The following PRAG1 variants were observed in gnomAD, a reference collection of about 807,000 sequenced individuals.
The protein encoded by PRAG1 is inactive tyrosine-protein kinase PRAG1.
Under a neutral mutation model 95.6 loss-of-function variants are expected in PRAG1, and 110 were observed. The observed-to-expected ratio is 1.15, with a 90% CI of 0.99 to 1.35. PRAG1 has a LOEUF of 1.35. PRAG1 is among the 40% of genes most tolerant of loss of function. The pLI is 0.00. For synonymous variants in PRAG1, 1,052 were observed against 819.4 expected, an observed-to-expected ratio of 1.28 and a Z score of -4.85; for missense variants, 2,554 against 1,864.7, an observed-to-expected ratio of 1.37 and a Z score of -6.81.
chr8:8,334,900 T>C (rs1343341269), intron 4 of PRAG1, among the ~76,000 whole-genome samples: 1 of 151,918 alleles, frequency 6.6e-6, no homozygotes, highest in Non-Finnish European at 1.5e-5. Flanking sequence ...CTGGCCAACA[T>C]GGCGAAACTC....
At chr8:8,378,815 ACAC>A (rs1800529462) in intron 2 of PRAG1, among the ~76,000 whole-genome samples, 1 of 151,854 alleles carries the variant, frequency 6.6e-6, no homozygotes, top group Non-Finnish European at 1.5e-5. Context: ...GACCCAAATC[ACAC>A]CACCACACTC....
At chr8:8,323,338 A>G (rs1197830827) in intron 5 of PRAG1, among the ~76,000 whole-genome samples, 1 of 104,550 alleles carries the variant, frequency 9.6e-6, no homozygotes, top group Non-Finnish European at 2.0e-5. Flanking sequence ...TTTTTTTTTG[A>G]GATAGAGTCT....
Position 8,327,901 on chromosome 8 carries a change from G to C in PRAG1, c.2881C>G (p.Gln961Glu). 1 of 1,614,212 alleles carries C rather than the reference G, an allele frequency of 6.2e-7. No individual in the cohort carries two copies. The highest frequency in any genetic ancestry group is 1.7e-5 in the Admixed American group (1 of 60,030). ...TTGGCTACAAGGCGGGCCAGGGACT[G>C]GGTGTAGAGTCCCCCCAGCTTGGCA... ...TYAKLGGLYT[Q>E]SLARLVAKCE... The change falls in exon 5 of 6, where the codon CAG becomes GAG. Residue 961 changes from glutamine to glutamate, a missense_variant. Gln to Glu is a conservative substitution (Grantham distance 29). Coordinates refer to ENST00000615670, the MANE Select transcript of PRAG1 (RefSeq NM_001080826.3).
At chr8:8,367,117 T>C (rs928931770) in intron 3 of PRAG1, among the ~76,000 whole-genome samples, 3 of 152,070 alleles carry the variant, frequency 2.0e-5, no homozygotes, top group Non-Finnish European at 4.4e-5. Context: ...ATGCATGGGC[T>C]CCAAATGATC....
At chr8:8,330,525 CTGAG>C (rs1798787741) in intron 4 of PRAG1, among the ~76,000 whole-genome samples, 1 of 152,180 alleles carries the variant, frequency 6.6e-6, no homozygotes, top group African/African-American at 2.4e-5. Context: ...GGCAGCAAGG[CTGAG>C]TGAGTGATTT....
At position 8,376,924 on chromosome 8, in the gene PRAG1, A is replaced by T; in HGVS notation, c.1485T>A (p.Ser495=). The T allele has an allele frequency of 6.2e-7, 1 of 1,613,380 alleles. No individual in the cohort carries two copies. Among genetic ancestry groups the T allele is most frequent in the Non-Finnish European group, 8.5e-7 (1 of 1,180,022 alleles). ...HRTIYLSSPD[S]AVGVQWPRGP... ...CTCGTGGCCACTGCACCCCCACTGCAGAGTCAGGGCTGCTCAGGTAGATCG... is the reference window on the plus strand; with the variant it reads ...CTCGTGGCCACTGCACCCCCACTGCTGAGTCAGGGCTGCTCAGGTAGATCG... Residue 495 remains serine, a synonymous_variant, in exon 3 of 6, where the codon TCT becomes TCA. Transcript: ENST00000615670.
intron 3 of PRAG1, among the ~76,000 whole-genome samples, chr8:8,350,133 C>T (rs150982603): frequency 1.2e-3 from 189 of 152,284 alleles, no homozygotes; most frequent in African/African-American, 4.1e-3. Flanking sequence ...ATTCAGATTT[C>T]AGAAAAGCAA....
chr8:8,340,826 GT>G (rs1213765271), intron 3 of PRAG1, among the ~76,000 whole-genome samples: 1 of 151,904 alleles, frequency 6.6e-6, no homozygotes, highest in Non-Finnish European at 1.5e-5. Flanking sequence ...CTTTTAAACT[GT>G]GTTAAATCTG....
Position 8,318,735 on chromosome 8 carries a change from T to C in PRAG1, c.3640A>G (p.Ile1214Val). Residue 1214 changes from isoleucine to valine, a missense_variant, in exon 6 of 6, where the codon ATC becomes GTC. Physicochemically the swap from Ile to Val is conservative, Grantham distance 29. Transcript: ENST00000615670. This position sits in a 1 kb window ranked among gnomAD's most constrained non-coding sequence, Gnocchi z 4.2. Reference sequence around the variant, plus strand: ...TGCTTGGCCTTCAAAAAGTTGCTGATGATGAGCCGGGGCAGCTGCTTCTCC... The same window carrying C: ...TGCTTGGCCTTCAAAAAGTTGCTGACGATGAGCCGGGGCAGCTGCTTCTCC... ...PREKQLPRLI[I>V]SNFLKAKQKP... 1.2e-6 allele frequency: 2 copies of C among 1,606,322 alleles called. No individual in the cohort carries two copies. The highest frequency in any genetic ancestry group is 8.5e-7 in the Non-Finnish European group (1 of 1,176,848).
At chr8:8,333,848 T>C (rs1798898957) in intron 4 of PRAG1, among the ~76,000 whole-genome samples, 1 of 152,224 alleles carries the variant, frequency 6.6e-6, no homozygotes, top group Non-Finnish European at 1.5e-5. Context: ...GGAATATGGA[T>C]GGAGAAAACC....
chr8:8,372,422 T>G (rs1440416697), intron 3 of PRAG1, among the ~76,000 whole-genome samples: 1 of 152,266 alleles, frequency 6.6e-6, no homozygotes, highest in Non-Finnish European at 1.5e-5. Context: ...GATCCTCATC[T>G]TATAATTCTG....
At chr8:8,341,797 G>A (rs910051400) in intron 3 of PRAG1, among the ~76,000 whole-genome samples, 2 of 151,940 alleles carry the variant, frequency 1.3e-5, no homozygotes, top group Non-Finnish European at 2.9e-5. Context: ...TTTCTTTCTT[G>A]TCCTGTCCTT....
chr8:8,334,547 G>A (rs1161718564), intron 4 of PRAG1, among the ~76,000 whole-genome samples: 1 of 151,790 alleles, frequency 6.6e-6, no homozygotes, highest in Non-Finnish European at 1.5e-5. Flanking sequence ...GGAAAATGTG[G>A]CATTTGTGAG....
At chr8:8,334,024 G>T (rs542703512) in intron 4 of PRAG1, among the ~76,000 whole-genome samples, 2 of 152,212 alleles carry the variant, frequency 1.3e-5, no homozygotes, top group African/African-American at 4.8e-5. Context: ...GAGGATGAAG[G>T]GTGGGGCAGA....
chr8:8,381,455 A>C lies in PRAG1; in HGVS notation c.293T>G (p.Val98Gly), dbSNP rs761409590. The part of the protein sequence containing the change: ...PTMMSSEASD[V>G]WTEANLSAEV... ...GGCACTCAGGTTGGCCTCTGTCCAC[A>C]CATCAGAGGCCTCGGAGCTCATCAT... The change falls in exon 2 of 6, where the codon GTG (valine) becomes GGG (glycine). Residue 98 changes from valine (V) to glycine (G), a missense_variant. By Grantham distance (109) the Val-to-Gly change is moderately radical. Transcript: ENST00000615670. 59 of 1,613,642 alleles carry C rather than the reference A, an allele frequency of 3.7e-5. 1 individual carries two copies. Among genetic ancestry groups the C allele is most frequent in the Non-Finnish European group, 4.7e-5 (55 of 1,179,662 alleles).
chr8:8,379,157 C>G (rs1316501609), intron 2 of PRAG1, among the ~76,000 whole-genome samples: 3 of 151,962 alleles, frequency 2.0e-5, no homozygotes, highest in Non-Finnish European at 4.4e-5. Context: ...GGGGTGGCTT[C>G]TGAACTGGAC....
chr8:8,319,979 C>T (rs917330875), intron 5 of PRAG1, among the ~76,000 whole-genome samples: 23 of 152,178 alleles, frequency 1.5e-4, no homozygotes, highest in African/African-American at 5.1e-4. Flanking sequence ...AAACCTCAGA[C>T]ATTGCTGATG....
In PRAG1 at chr8:8,354,110, G is replaced by C. The variant is rs192821648; in HGVS notation, c.2163-14475C>G. Among the ~76,000 whole-genome samples the C allele has an allele frequency of 2.7e-4, 41 of 152,082 alleles. No homozygotes were observed. In the East Asian group the frequency reaches 4.1e-3, roughly 15 times the overall value. ...AAATGAAAGTGGGGACATTGTAACAGATGTCTCAGAAATAAAAATGATCAT... is the reference window on the plus strand; with the variant it reads ...AAATGAAAGTGGGGACATTGTAACACATGTCTCAGAAATAAAAATGATCAT... On this transcript the variant is annotated intron_variant, in intron 3 of 5. Coordinates refer to ENST00000615670, the MANE Select transcript of PRAG1 (RefSeq NM_001080826.3).
chr8:8,376,304 G>C lies in PRAG1; in HGVS notation c.2105C>G (p.Pro702Arg), dbSNP rs369337652. The C allele has an allele frequency of 6.2e-7, 1 of 1,614,154 alleles. No individual in the cohort carries two copies. The highest frequency in any genetic ancestry group is 8.5e-7 in the Non-Finnish European group (1 of 1,180,042). Reference protein sequence around the residue: ...SKSASFAFEFPKDRSGIETFS... With the variant: ...SKSASFAFEFRKDRSGIETFS... Reference sequence around the variant, plus strand: ...TGTCTCAATCCCACTTCTGTCCTTGGGGAACTCAAAGGCAAAAGAGGCGGA... The same window carrying C: ...TGTCTCAATCCCACTTCTGTCCTTGCGGAACTCAAAGGCAAAAGAGGCGGA... Residue 702 changes from proline (P) to arginine (R), a missense_variant, in exon 3 of 6, where the codon CCC becomes CGC. Pro to Arg is a moderately radical substitution (Grantham distance 103). Coordinates refer to ENST00000615670, the MANE Select transcript of PRAG1 (RefSeq NM_001080826.3).
Sources: gnomAD v4.1 joint callset for allele counts (sites outside exome capture counted in the v4.1 genomes callset) on GRCh38, gnomAD v4.1.1 for gene constraint, Gnocchi (gnomAD v3.1) non-coding constraint, MANE v1.5 for transcripts, NCBI Gene and HGNC (gene_info 2026-07-23, HGNC 2026-07-21) for gene names.